Variants in FBXW12 observed in about 807,000 individuals in gnomAD.
FBXW12 encodes F-box and WD repeat domain containing 12, also known as F-box/WD repeat-containing protein 12.
A neutral mutation model predicts 55.3 loss-of-function variants in FBXW12; 43 were observed. That is an observed-to-expected ratio of 0.78 (90% confidence interval 0.61 to 1.00). The LOEUF is 1.00. Among genes scored for constraint, FBXW12 ranks in the 50% least tolerant of loss-of-function variants. The pLI is 0.00. For synonymous variants in FBXW12, 184 were observed against 203.8 expected (o/e 0.90, Z 0.83); for missense variants, 524 against 560.5 (o/e 0.93, Z 0.66).
At chr3:48,392,691 T>C (rs2036946554) in intron 10 of FBXW12, among the ~76,000 whole-genome samples, 1 of 152,224 alleles carries the variant, frequency 6.6e-6, no homozygotes, top group African/African-American at 2.4e-5. Flanking sequence ...TTAACTTCTT[T>C]CAGCATTTGA....
At chr3:48,376,946 CT>C (rs2036694434) in intron 5 of FBXW12, among the ~76,000 whole-genome samples, 1 of 152,146 alleles carries the variant, frequency 6.6e-6, no homozygotes, top group Non-Finnish European at 1.5e-5. Context: ...CACACTTGTA[CT>C]TTGGGGATAG....
chr3:48,386,068 G>A (rs1030691914), intron 10 of FBXW12, among the ~76,000 whole-genome samples: 8 of 152,096 alleles, frequency 5.3e-5, no homozygotes, highest in South Asian at 2.1e-4. Flanking sequence ...GGTCATATCC[G>A]AAAACTCATT....
At chr3:48,378,916 C>T (rs933680289) in intron 6 of FBXW12, among the ~76,000 whole-genome samples, 1 of 152,174 alleles carries the variant, frequency 6.6e-6, no homozygotes, top group Admixed American at 6.6e-5. Context: ...CTTGTCATCC[C>T]TTCCACATAC....
chr3:48,377,500 G>A (rs1234631821), intron 5 of FBXW12, among the ~76,000 whole-genome samples: 1 of 152,160 alleles, frequency 6.6e-6, no homozygotes, highest in African/African-American at 2.4e-5. Flanking sequence ...AGTGAAACTT[G>A]ACTTCACCCT....
At chr3:48,389,749 T>C (rs2036895468) in intron 10 of FBXW12, among the ~76,000 whole-genome samples, 2 of 152,190 alleles carry the variant, frequency 1.3e-5, no homozygotes, top group South Asian at 4.1e-4. Flanking sequence ...GAGGACTGAG[T>C]CATAAATTCT....
chr3:48,373,471 G>A, intron 3 of FBXW12, 77 bp from the exon 4 acceptor site: 7 of 1,604,210 alleles, frequency 4.4e-6, no homozygotes, highest in Non-Finnish European at 6.0e-6. Flanking sequence ...TGTGAGTAGG[G>A]GGTTGTGATA....
chr3:48,389,718 G>A (rs1161681440), intron 10 of FBXW12, among the ~76,000 whole-genome samples: 1 of 152,070 alleles, frequency 6.6e-6, no homozygotes, highest in African/African-American at 2.4e-5. Context: ...ACCGATTTTT[G>A]TTTTCATTGC....
intron 10 of FBXW12, among the ~76,000 whole-genome samples, chr3:48,388,448 C>T (rs908240979): frequency 3.3e-5 from 5 of 152,176 alleles, no homozygotes; most frequent in Non-Finnish European, 7.3e-5. Flanking sequence ...GCTGCATACA[C>T]ATTTAGGATT....
chr3:48,382,008 GGAA>G lies in FBXW12; in HGVS notation c.1223_1225del (p.Glu408del), dbSNP rs2036783423. On this transcript the variant is annotated inframe_deletion, in exon 10 of 11. Coordinates refer to ENST00000296438, the MANE Select transcript of FBXW12 (RefSeq NM_207102.2). ...AGAACTCTGTGCACGTGTACATGTGGGAAGAAGGAGGCCGCCATCCATACCTCA... is the reference window on the plus strand; with the variant it reads ...AGAACTCTGTGCACGTGTACATGTGGGAAGGAGGCCGCCATCCATACCTCA... 1.9e-6 allele frequency: 3 copies of G among 1,614,154 alleles called. No individual in the cohort carries two copies. Among genetic ancestry groups the G allele is most frequent in the Non-Finnish European group, 2.5e-6 (3 of 1,180,030 alleles).
At chr3:48,374,453 G>A (rs1266052339) in intron 4 of FBXW12, among the ~76,000 whole-genome samples, 3 of 151,500 alleles carry the variant, frequency 2.0e-5, no homozygotes, top group African/African-American at 7.3e-5. Flanking sequence ...TTAGCCCCCT[G>A]AGTAGCTGGG....
intron 10 of FBXW12, among the ~76,000 whole-genome samples, chr3:48,388,856 A>G (rs2036881627): frequency 6.6e-6 from 1 of 152,222 alleles, no homozygotes; most frequent in African/African-American, 2.4e-5. Flanking sequence ...AATATTTATC[A>G]TTTATTTGTG....
At chr3:48,385,385 T>C (rs1453413026) in intron 10 of FBXW12, among the ~76,000 whole-genome samples, 1 of 129,620 alleles carries the variant, frequency 7.7e-6, no homozygotes, top group Non-Finnish European at 1.8e-5. Flanking sequence ...TATCTACACA[T>C]ATACCACATT....
At chr3:48,378,812 G>A (rs2036723080) in intron 6 of FBXW12, among the ~76,000 whole-genome samples, 1 of 151,898 alleles carries the variant, frequency 6.6e-6, no homozygotes, top group Admixed American at 6.6e-5. Flanking sequence ...AACTGACCAG[G>A]CTGGTCTTGA....
chr3:48,381,326 G>A (rs543026229), intron 8 of FBXW12, among the ~76,000 whole-genome samples: 9 of 152,110 alleles, frequency 5.9e-5, no homozygotes, highest in Non-Finnish European at 1.3e-4. Context: ...CCGGCCAGGA[G>A]CAGGGGATTT....
At chr3:48,372,928 C>T in intron 2 of FBXW12, 71 bp downstream of exon 2, 2 of 1,379,236 alleles carry the variant, frequency 1.5e-6, no homozygotes, top group Non-Finnish European at 2.1e-6. Flanking sequence ...CACCACTTTG[C>T]AGAATAGCAG....
chr3:48,381,556 C>A lies in FBXW12; in HGVS notation c.986-144C>A, dbSNP rs2036774082. 1.7e-5 allele frequency: 15 copies of A among 865,796 alleles called. No individual in the cohort carries two copies. The East Asian group carries it at 4.2e-4, about 24-fold the overall frequency. 53.6% of individuals were successfully genotyped at this position (865,796 alleles called of 1,614,324 possible). On this transcript the variant is annotated intron_variant, in intron 8 of 10. Coordinates refer to ENST00000296438, the MANE Select transcript of FBXW12 (RefSeq NM_207102.2). ...ATGTATTTGTCAGGCCACTGGACTA[C>A]CCTTCATTTTCTTCCCCGGAATGAA...
Position 48,380,924 on chromosome 3 carries a change from C to A in FBXW12, c.985+12C>A. On this transcript the variant is annotated intron_variant, in intron 8 of 10. Transcript: ENST00000296438. ...AACAGTCATCCAAGGTAGGCTGTGC[C>A]ACATTAGAAACGCTTGTTTCTCTTC... 6.2e-7 allele frequency: 1 copy of A among 1,609,024 alleles called. No homozygotes were observed. Among genetic ancestry groups the A allele is most frequent in the South Asian group, 1.1e-5 (1 of 90,944 alleles).
At position 48,378,524 on chromosome 3, in the gene FBXW12, A is replaced by G; in HGVS notation, c.613A>G (p.Met205Val). 6.2e-7 allele frequency: 1 copy of G among 1,609,354 alleles called. No homozygotes were observed. The highest frequency in any genetic ancestry group is 8.5e-7 in the Non-Finnish European group (1 of 1,177,234). The change falls in exon 6 of 11, where the codon ATG becomes GTG. Residue 205 changes from methionine to valine, a missense_variant and splice_region_variant. Transcript: ENST00000296438. ...AYLTKDGPFL[M>V]VGDAAGDIYT... Reference sequence around the variant, plus strand: ...TCTTACAAAGGATGGCCCATTCCTGATGGTAAGTGAGCCCTGAATTTAGAG... The same window carrying G: ...TCTTACAAAGGATGGCCCATTCCTGGTGGTAAGTGAGCCCTGAATTTAGAG...
intron 10 of FBXW12, among the ~76,000 whole-genome samples, chr3:48,386,555 A>G (rs2036851645): frequency 1.3e-5 from 2 of 152,368 alleles, no homozygotes; most frequent in Admixed American, 6.5e-5. Context: ...TAGGGATTGC[A>G]TTGAATCTGT....
Sources: allele counts gnomAD v4.1 joint callset (sites outside exome capture counted in the v4.1 genomes callset), GRCh38; gene constraint gnomAD v4.1.1; transcripts MANE v1.5; gene names NCBI Gene and HGNC (gene_info 2026-07-23, HGNC 2026-07-21).